The following MAIP1 variants were observed in gnomAD, a reference collection of about 807,000 sequenced individuals.
MAIP1 encodes the protein matrix AAA peptidase interacting protein 1.
A neutral mutation model predicts 31.2 loss-of-function variants in MAIP1; 28 were observed. The observed-to-expected ratio is 0.90, with a 90% CI of 0.67 to 1.23. MAIP1 has a LOEUF of 1.23. Among genes scored for constraint, MAIP1 ranks in the 50% most tolerant of loss-of-function variants. MAIP1 has a pLI of 0.00. For missense variants in MAIP1, 339 were observed against 356.0 expected, an observed-to-expected ratio of 0.95 and a Z score of 0.38; for synonymous variants, 142 against 142.3, an observed-to-expected ratio of 1.00 and a Z score of 0.02.
intron 1 of MAIP1, among the ~76,000 whole-genome samples, chr2:199,956,538 G>A (rs1305969186): frequency 1.3e-5 from 2 of 152,212 alleles, no homozygotes; most frequent in Non-Finnish European, 2.9e-5. Flanking sequence ...TCCAGCCTGG[G>A]ATACAGAGCC....
intron 1 of MAIP1, 138 bp downstream of exon 1, chr2:199,956,386 G>A (rs1381875042): frequency 4.0e-6 from 3 of 746,892 alleles, no homozygotes; most frequent in Non-Finnish European, 6.7e-6. Flanking sequence ...GAGCCTTCCA[G>A]CCATTGCTTG....
At position 199,962,371 on chromosome 2, in the gene MAIP1, G is replaced by C. The variant is rs567036504; in HGVS notation, c.797+443G>C. Among the ~76,000 whole-genome samples, 6 of 152,164 alleles carry C rather than the reference G, an allele frequency of 3.9e-5. No homozygotes were observed. In the East Asian group the frequency reaches 9.6e-4, roughly 24 times the overall value. On this transcript the variant is annotated intron_variant, in intron 4 of 4. Transcript: ENST00000392290. ...TACTCCTTGGCTTCTGCATGACTCT[G>C]TATTCTCCAGGGCCACTCTTTGTGG...
At chr2:199,959,927 A>G (rs1397279540) in intron 3 of MAIP1, 47 bp downstream of exon 3, 4 of 1,577,176 alleles carry the variant, frequency 2.5e-6, no homozygotes, top group Non-Finnish European at 3.5e-6. Flanking sequence ...AATTGTCCAG[A>G]TAAGCTAAAC....
At position 199,959,897 on chromosome 2, in the gene MAIP1, G is replaced by A; in HGVS notation, c.649+17G>A. ...ATGAGAAAGGTAATACCAGAGCATA[G>A]TCAACTTGAAATGATCCATAATTGT... is the stretch of plus-strand genomic sequence containing the variant. On this transcript the variant is annotated intron_variant, in intron 3 of 4. Transcript: ENST00000392290. 2 of 1,607,590 alleles carry A rather than the reference G, an allele frequency of 1.2e-6. No individual in the cohort carries two copies. Among genetic ancestry groups the A allele is most frequent in the Non-Finnish European group, 8.5e-7 (1 of 1,177,122 alleles).
chr2:199,963,250 T>C (rs2077645618), intron 4 of MAIP1, among the ~76,000 whole-genome samples: 1 of 152,222 alleles, frequency 6.6e-6, no homozygotes. Flanking sequence ...ATTTTCAAGA[T>C]TGATTTAATG....
intron 2 of MAIP1, 145 bp from the exon 3 acceptor site, chr2:199,959,609 T>C (rs1341903229): frequency 4.4e-6 from 3 of 676,190 alleles, no homozygotes; most frequent in Non-Finnish European, 5.0e-6. Context: ...ATGAGATACA[T>C]TTCAGCCTTG....
intron 3 of MAIP1, among the ~76,000 whole-genome samples, 155 bp from the exon 4 acceptor site, chr2:199,961,626 A>G (rs2077637352): frequency 1.3e-5 from 2 of 152,274 alleles, no homozygotes; most frequent in Non-Finnish European, 2.9e-5. Flanking sequence ...ATAAAATAGT[A>G]TCAATACAAG....
At chr2:199,957,119 G>A (rs1043938364) in intron 1 of MAIP1, among the ~76,000 whole-genome samples, 1 of 148,848 alleles carries the variant, frequency 6.7e-6, no homozygotes, top group Non-Finnish European at 1.5e-5. Context: ...AATAGAAGTC[G>A]GCCAGGCATG....
intron 4 of MAIP1, among the ~76,000 whole-genome samples, chr2:199,962,281 G>A (rs1195677278): frequency 1.3e-5 from 2 of 152,126 alleles, no homozygotes; most frequent in East Asian, 1.9e-4. Context: ...GCATCAACAC[G>A]AGTGGCAGGA....
chr2:199,961,996 C>CTAAGA (rs1237881451), intron 4 of MAIP1, 68 bp downstream of exon 4: 11 of 1,337,308 alleles, frequency 8.2e-6, no homozygotes, highest in Non-Finnish European at 1.1e-5. Flanking sequence ...GGTATGAAAA[C>CTAAGA]TAAGAGATCT....
chr2:199,961,832 A>T lies in MAIP1; in HGVS notation c.701A>T (p.Asn234Ile), dbSNP rs752410100. Reference sequence around the variant, plus strand: ...TGCTTTTGGTATCTAACCAGTGCCAACATCCCCAGTGAAACTTTAAGAGGA... The same window carrying T: ...TGCTTTTGGTATCTAACCAGTGCCATCATCCCCAGTGAAACTTTAAGAGGA... ...LMCFWYLTSA[N>I]IPSETLRGAS... The change falls in exon 4 of 5, where the codon AAC becomes ATC. Residue 234 changes from asparagine (N) to isoleucine (I), a missense_variant. Transcript: ENST00000392290. 1 of 1,614,082 alleles carries T rather than the reference A, an allele frequency of 6.2e-7. No homozygotes were observed. Among genetic ancestry groups the T allele is most frequent in the South Asian group, 1.1e-5 (1 of 91,072 alleles).
chr2:199,955,516 TA>T, upstream of MAIP1: 1 of 1,598,872 alleles, frequency 6.3e-7, no homozygotes, highest in South Asian at 1.1e-5. Context: ...ACTTCGGCTC[TA>T]AAGCGTTCCT....
At chr2:199,956,441 A>C (rs2077605303) in intron 1 of MAIP1, among the ~76,000 whole-genome samples, 193 bp downstream of exon 1, 1 of 152,210 alleles carries the variant, frequency 6.6e-6, no homozygotes, top group Non-Finnish European at 1.5e-5. Context: ...ACACGCCTGT[A>C]GTCTCAGCTA....
Position 199,955,584 on chromosome 2 carries a change from A to G in MAIP1, c.-215A>G. 7.2e-7 allele frequency: 1 copy of G among 1,385,010 alleles called. No individual in the cohort carries two copies. 85.8% of individuals were successfully genotyped at this position (1,385,010 alleles called of 1,614,324 possible). A position where few individuals can be genotyped will look rare whatever the true frequency, so the allele number is the denominator to read the frequency against. On this transcript the variant is annotated 5_prime_UTR_variant, in exon 1 of 5. Coordinates refer to ENST00000392290, the MANE Select transcript of MAIP1 (RefSeq NM_001394955.1). Reference sequence around the variant, plus strand: ...GAGAAAAGGTCCGCGAGGCCGGCAGACTCCAGAGTGGCTGGGTCCGAGCGC... The same window carrying G: ...GAGAAAAGGTCCGCGAGGCCGGCAGGCTCCAGAGTGGCTGGGTCCGAGCGC...
intron 1 of MAIP1, among the ~76,000 whole-genome samples, chr2:199,958,891 G>T (rs2077621966): frequency 6.6e-6 from 1 of 152,194 alleles, no homozygotes; most frequent in South Asian, 2.1e-4. Flanking sequence ...AGTCTCGACT[G>T]TTCTCCTTTC....
At chr2:199,960,369 G>A (rs1157481929) in intron 3 of MAIP1, among the ~76,000 whole-genome samples, 1 of 152,150 alleles carries the variant, frequency 6.6e-6, no homozygotes, top group African/African-American at 2.4e-5. Flanking sequence ...GAAATTTAGT[G>A]GTTATCTGGT....
chr2:199,958,404 AG>A (rs1327964204), intron 1 of MAIP1, among the ~76,000 whole-genome samples: 1 of 152,220 alleles, frequency 6.6e-6, no homozygotes, highest in Non-Finnish European at 1.5e-5. Context: ...TTTTCGGGGA[AG>A]GAGAGCACAA....
chr2:199,963,197 T>C (rs2077645388), intron 4 of MAIP1, among the ~76,000 whole-genome samples: 1 of 152,232 alleles, frequency 6.6e-6, no homozygotes, highest in Admixed American at 6.5e-5. Flanking sequence ...TTATCTTTTC[T>C]GATGTTTCTT....
In MAIP1 at chr2:199,955,630, C is replaced by G. The variant is rs952876085; in HGVS notation, c.-169C>G. The stretch of plus-strand genomic sequence containing the variant: ...AGCGCGGGGCGGGTTGCCGAAGGGC[C>G]TCGGCCTGGGCTGCGTGCTGGAGAG... On this transcript the variant is annotated 5_prime_UTR_variant, in exon 1 of 5. Coordinates refer to ENST00000392290, the MANE Select transcript of MAIP1 (RefSeq NM_001394955.1). 9 of 1,179,216 alleles carry G rather than the reference C, an allele frequency of 7.6e-6. No homozygotes were observed. The highest frequency in any genetic ancestry group is 2.8e-4 in the Middle Eastern group (1 of 3,616). The allele number at this position is 1,179,216 out of a possible 1,614,324, so 73.0% of individuals were successfully genotyped here.
Sources: gnomAD v4.1 joint callset for allele counts (sites outside exome capture counted in the v4.1 genomes callset) on GRCh38, gnomAD v4.1.1 for gene constraint, MANE v1.5 for transcripts, NCBI Gene and HGNC (gene_info 2026-07-23, HGNC 2026-07-21) for gene names.